The following MIPEP variants were observed in gnomAD, a reference collection of about 807,000 sequenced individuals.
MIPEP encodes the protein mitochondrial intermediate peptidase.
A neutral mutation model predicts 90.3 loss-of-function variants in MIPEP; 79 were observed. The ratio of observed to expected loss-of-function variants is 0.87; its 90% CI spans 0.73 to 1.05. The LOEUF is 1.05. Ranked by LOEUF, MIPEP falls within the 50% of genes least tolerant of loss-of-function variation. The pLI is 0.00. For missense variants in MIPEP, 940 were observed against 905.6 expected (o/e 1.04, Z -0.49); for synonymous variants, 334 against 315.8 (o/e 1.06, Z -0.61).
At chr13:23,799,493 A>C (rs370673071) in intron 16 of MIPEP, among the ~76,000 whole-genome samples, 81 of 151,116 alleles carry the variant, frequency 5.4e-4, no homozygotes, top group African/African-American at 1.9e-3. Flanking sequence ...CGCCTGGCTA[A>C]TTTTTTGTAT....
At chr13:23,883,085 T>C (rs539639342) in intron 2 of MIPEP, among the ~76,000 whole-genome samples, 28 of 152,106 alleles carry the variant, frequency 1.8e-4, no homozygotes, top group Non-Finnish European at 3.8e-4. Flanking sequence ...GCAGGTAATA[T>C]CTTAAAAATT....
At chr13:23,781,405 G>A (rs1040871103) in intron 16 of MIPEP, among the ~76,000 whole-genome samples, 9 of 152,292 alleles carry the variant, frequency 5.9e-5, no homozygotes, top group African/African-American at 2.2e-4. Flanking sequence ...AGCAAATGCT[G>A]GGAGATTTTG....
intron 3 of MIPEP, among the ~76,000 whole-genome samples, chr13:23,880,301 G>A (rs1871223998): frequency 6.6e-6 from 1 of 152,162 alleles, no homozygotes; most frequent in African/African-American, 2.4e-5. Context: ...GATCCCAGAA[G>A]TCAGGGAGAG....
Position 23,862,789 on chromosome 13 carries a change from G to A in MIPEP, c.993-427C>T, listed in dbSNP as rs1870363557. Among the ~76,000 whole-genome samples the A allele has an allele frequency of 2.6e-5, 4 of 152,092 alleles. No homozygotes were observed. The South Asian group carries it at 8.3e-4, about 32-fold the overall frequency. ...TTCCCCTTTGGAAAAACTCTAGCTG[G>A]TCAATAATTAAATAGGTATTTAATA... On this transcript the variant is annotated intron_variant, in intron 8 of 18. Coordinates refer to ENST00000382172, the MANE Select transcript of MIPEP (RefSeq NM_005932.4).
intron 16 of MIPEP, among the ~76,000 whole-genome samples, chr13:23,773,564 C>G (rs1952677787): frequency 6.6e-6 from 1 of 152,180 alleles, no homozygotes; most frequent in Admixed American, 6.5e-5. Flanking sequence ...CTGCTGTACC[C>G]TTTTACATTC....
intron 16 of MIPEP, among the ~76,000 whole-genome samples, chr13:23,787,276 A>G (rs931115645): frequency 1.3e-5 from 2 of 152,196 alleles, no homozygotes; most frequent in African/African-American, 4.8e-5. Context: ...GGGAAGTGCA[A>G]GAATCCAGGC....
intron 15 of MIPEP, among the ~76,000 whole-genome samples, chr13:23,806,596 T>C (rs1423702354): frequency 6.6e-6 from 1 of 151,642 alleles, no homozygotes; most frequent in African/African-American, 2.4e-5. Context: ...GAGAATGGCG[T>C]GAACCTGGGA....
chr13:23,785,287 C>T (rs557064812), intron 16 of MIPEP, among the ~76,000 whole-genome samples: 1 of 152,246 alleles, frequency 6.6e-6, no homozygotes, highest in South Asian at 2.1e-4. Context: ...GGCACATATA[C>T]ACCATGGAAT....
rs571191954 is a variant in MIPEP, at chr13:23,737,748, T to C, written c.2045-7303A>G. ...ATGATTGAGAGCAATTGGTTGGCAG[T>C]TTGACTATACCTGTAAGCCAACCTT... On this transcript the variant is annotated intron_variant, in intron 18 of 18. Transcript: ENST00000382172. 1.7e-3 allele frequency among the ~76,000 whole-genome samples: 254 copies of C among 152,342 alleles called. 1 individual carries two copies. The highest frequency in any genetic ancestry group is 5.0e-3 in the African/African-American group (210 of 41,588).
chr13:23,744,371 G>A lies in MIPEP; in HGVS notation c.2044+12174C>T, dbSNP rs181616039. 9.2e-5 allele frequency among the ~76,000 whole-genome samples: 14 copies of A among 152,156 alleles called. No homozygotes were observed. In the East Asian group the frequency reaches 1.7e-3, roughly 19 times the overall value. ...CTCAGTTGCCAAAAATTATGAAAGAGCAAGGGAAAAAAAATACAGTGGAAT... is the reference window on the plus strand; with the variant it reads ...CTCAGTTGCCAAAAATTATGAAAGAACAAGGGAAAAAAAATACAGTGGAAT... On this transcript the variant is annotated intron_variant, in intron 18 of 18. Transcript: ENST00000382172.
Position 23,864,710 on chromosome 13 carries a change from T to C in MIPEP, c.944-521A>G, listed in dbSNP as rs534408949. Among the ~76,000 whole-genome samples the C allele has an allele frequency of 2.6e-5, 3 of 117,564 alleles. No individual in the cohort carries two copies. The East Asian group carries it at 7.5e-4, about 29-fold the overall frequency. The allele number at this position is 117,564 out of a possible 152,430, so 77.1% of individuals were successfully genotyped here. Reference sequence around the variant, plus strand: ...CAGACTGTGCCACTGTACTCCAGCCTGGGCAAGAAAGTGAGACTCCATCTC... The same window carrying C: ...CAGACTGTGCCACTGTACTCCAGCCCGGGCAAGAAAGTGAGACTCCATCTC... On this transcript the variant is annotated intron_variant, in intron 7 of 18. Transcript: ENST00000382172.
intron 18 of MIPEP, among the ~76,000 whole-genome samples, chr13:23,744,070 G>A (rs1388086666): frequency 2.0e-5 from 3 of 152,148 alleles, no homozygotes; most frequent in South Asian, 2.1e-4. Flanking sequence ...TTCCTGCTAC[G>A]CTGTGCAAGA....
At chr13:23,875,430 C>A (rs1328557370) in intron 4 of MIPEP, among the ~76,000 whole-genome samples, 1 of 151,710 alleles carries the variant, frequency 6.6e-6, no homozygotes, top group Non-Finnish European at 1.5e-5. Flanking sequence ...ATATTAAATT[C>A]TTTGATGCTG....
intron 18 of MIPEP, among the ~76,000 whole-genome samples, chr13:23,747,359 G>A (rs1430173065): frequency 6.6e-6 from 1 of 152,150 alleles, no homozygotes. Flanking sequence ...AGAGGTGCTT[G>A]ACTCTGGCCA....
At position 23,730,374 on chromosome 13, in the gene MIPEP, C is replaced by T. The variant is rs749656281; in HGVS notation, c.2116G>A (p.Glu706Lys). 1.7e-5 allele frequency: 27 copies of T among 1,611,896 alleles called. No individual in the cohort carries two copies. Among genetic ancestry groups the T allele is most frequent in the East Asian group, 1.1e-4 (5 of 44,746 alleles). Residue 706 changes from glutamate to lysine, a missense_variant, in exon 19 of 19, where the codon GAA becomes AAA. Glu to Lys is a moderately conservative substitution (Grantham distance 56, BLOSUM62 1). Coordinates refer to ENST00000382172, the MANE Select transcript of MIPEP (RefSeq NM_005932.4). ...TATTCAGAATCCATGAGGAAAGTTT[C>T]GAAGTCCAGATCCAAGTCGGAAACG... ...ALVSDLDLDF[E>K]TFLMDSE
At chr13:23,883,878 C>A (rs1871362221) in intron 2 of MIPEP, among the ~76,000 whole-genome samples, 1 of 152,158 alleles carries the variant, frequency 6.6e-6, no homozygotes, top group Non-Finnish European at 1.5e-5. Flanking sequence ...TTCCTATGCA[C>A]ATACTGGAGG....
At chr13:23,823,870 T>G (rs1953337269) in intron 14 of MIPEP, among the ~76,000 whole-genome samples, 1 of 152,170 alleles carries the variant, frequency 6.6e-6, no homozygotes, top group African/African-American at 2.4e-5. Context: ...ATAGATCATA[T>G]TGTCACCCTA....
Position 23,778,216 on chromosome 13 carries a change from C to A in MIPEP, c.1849-17999G>T, listed in dbSNP as rs372635386. On this transcript the variant is annotated intron_variant, in intron 16 of 18. Coordinates refer to ENST00000382172, the MANE Select transcript of MIPEP (RefSeq NM_005932.4). ...TAAATCAGCAAGTATTTCAAAGCTTCCCCAAGACACAAAAAAACATACACA... is the reference window on the plus strand; with the variant it reads ...TAAATCAGCAAGTATTTCAAAGCTTACCCAAGACACAAAAAAACATACACA... 6.6e-5 allele frequency among the ~76,000 whole-genome samples: 10 copies of A among 152,076 alleles called. No homozygotes were observed. The East Asian group carries it at 7.7e-4, about 12-fold the overall frequency.
At chr13:23,730,579 C>T (rs1952194188) in intron 18 of MIPEP, 134 bp from the exon 19 acceptor site, 1 of 630,444 alleles carries the variant, frequency 1.6e-6, no homozygotes, top group African/African-American at 1.8e-5. Context: ...AACCTGAATG[C>T]AAGAACATTT....
Sources: allele counts gnomAD v4.1 joint callset (sites outside exome capture counted in the v4.1 genomes callset), GRCh38; gene constraint gnomAD v4.1.1; transcripts MANE v1.5; gene names NCBI Gene and HGNC (gene_info 2026-07-23, HGNC 2026-07-21).